The following EFCAB6 variants were observed in gnomAD, a reference collection of about 807,000 sequenced individuals.
EFCAB6 encodes the protein EF-hand calcium binding domain 6, also known as EF-hand calcium-binding domain-containing protein 6.
A neutral mutation model predicts 169.8 loss-of-function variants in EFCAB6; 156 were observed. The ratio of observed to expected loss-of-function variants is 0.92; its 90% CI spans 0.81 to 1.05. The LOEUF is 1.05. Among genes scored for constraint, EFCAB6 ranks in the 50% least tolerant of loss-of-function variants. The pLI is 0.00. For missense variants in EFCAB6, 1,800 were observed against 1,829.1 expected (o/e 0.98, Z 0.29); for synonymous variants, 698 against 676.4 (o/e 1.03, Z -0.50).
chr22:43,676,320 G>A (rs1191659438), intron 13 of EFCAB6, among the ~76,000 whole-genome samples: 1 of 151,522 alleles, frequency 6.6e-6, no homozygotes, highest in African/African-American at 2.4e-5. Flanking sequence ...GGGAGGCTGA[G>A]GCAGGAGAAT....
intron 10 of EFCAB6, among the ~76,000 whole-genome samples, chr22:43,709,510 AT>A (rs920816082): frequency 1.3e-5 from 2 of 152,198 alleles, no homozygotes; most frequent in African/African-American, 4.8e-5. Flanking sequence ...AACATGAAAA[AT>A]GTCTATAATA....
At chr22:43,575,257 C>A (rs1011326807) in intron 26 of EFCAB6, among the ~76,000 whole-genome samples, 2 of 151,952 alleles carry the variant, frequency 1.3e-5, no homozygotes, top group African/African-American at 4.8e-5. Flanking sequence ...GTGGTGCAAT[C>A]TCGGCTCACT....
Position 43,772,896 on chromosome 22 carries a change from G to T in EFCAB6, c.347C>A (p.Ala116Asp). Residue 116 changes from alanine (A) to aspartate (D), a missense_variant, in exon 4 of 32, where the codon GCT (alanine) becomes GAT (aspartate). Transcript: ENST00000262726. Reference protein sequence around the residue: ...LTREQFQDVLAQIPLSTSGTV... With the variant: ...LTREQFQDVLDQIPLSTSGTV... ...AGTATGTACAACATACAGCACCTGA[G>T]CCAACACGTCCTGAAACTGTTCTCG... 6.2e-7 allele frequency: 1 copy of T among 1,614,178 alleles called. No individual in the cohort carries two copies. Among genetic ancestry groups the T allele is most frequent in the South Asian group, 1.1e-5 (1 of 91,078 alleles).
At chr22:43,747,483 G>T (rs551396635) in intron 6 of EFCAB6, among the ~76,000 whole-genome samples, 1 of 152,102 alleles carries the variant, frequency 6.6e-6, no homozygotes, top group African/African-American at 2.4e-5. Context: ...TCGAAGTGGC[G>T]CCCAGTTTCT....
chr22:43,575,189 GTTGT>G (rs1555933692), intron 26 of EFCAB6, among the ~76,000 whole-genome samples: 1 of 148,352 alleles, frequency 6.7e-6, no homozygotes, highest in Non-Finnish European at 1.5e-5. Flanking sequence ...TGTTGTTGTT[GTTGT>G]TTGTTTGTTT....
intron 17 of EFCAB6, among the ~76,000 whole-genome samples, chr22:43,657,041 G>A (rs1158033970): frequency 6.6e-6 from 1 of 152,148 alleles, no homozygotes; most frequent in African/African-American, 2.4e-5. Context: ...TATAATCCCA[G>A]TACTTCGGGA....
intron 1 of EFCAB6, among the ~76,000 whole-genome samples, chr22:43,810,128 C>T (rs1473254069): frequency 2.0e-5 from 3 of 152,196 alleles, no homozygotes; most frequent in Non-Finnish European, 4.4e-5. Flanking sequence ...ATCCTCCTGC[C>T]TCAGCCTCCC....
Position 43,716,908 on chromosome 22 carries a change from T to A in EFCAB6, c.822A>T (p.Ser274=). 1 of 1,603,990 alleles carries A rather than the reference T, an allele frequency of 6.2e-7. No homozygotes were observed. Among genetic ancestry groups the A allele is most frequent in the East Asian group, 2.2e-5 (1 of 44,452 alleles). ...AGTAGTTTCTCCAGATATCTTCAGA[T>A]GATGCAGAACCTAGCAAACGTTCCT... ...SKKERLLGSA[S]SEDIWRNYSL... Residue 274 remains serine, a synonymous_variant, in exon 9 of 32, where the codon TCA becomes TCT. Transcript: ENST00000262726.
chr22:43,581,719 T>A (rs2050739543), intron 24 of EFCAB6, among the ~76,000 whole-genome samples: 1 of 152,144 alleles, frequency 6.6e-6, no homozygotes, highest in South Asian at 2.1e-4. Flanking sequence ...TTCCAGTGAC[T>A]CAGATATCTG....
At chr22:43,799,411 A>G (rs1018056367) in intron 2 of EFCAB6, among the ~76,000 whole-genome samples, 1 of 152,110 alleles carries the variant, frequency 6.6e-6, no homozygotes, top group African/African-American at 2.4e-5. Flanking sequence ...AGGATTATTC[A>G]CCAAGGAAAA....
At chr22:43,725,154 T>C (rs940657851) in intron 8 of EFCAB6, among the ~76,000 whole-genome samples, 5 of 150,390 alleles carry the variant, frequency 3.3e-5, no homozygotes, top group South Asian at 2.1e-4. Flanking sequence ...TTTTTTTTTT[T>C]TTTTAGACGG....
chr22:43,540,610 C>G (rs1316327619), intron 27 of EFCAB6: 1 of 1,387,856 alleles, frequency 7.2e-7, no homozygotes, highest in Non-Finnish European at 9.5e-7. Flanking sequence ...GAATTGGGCC[C>G]TCAGTGAGCA....
At chr22:43,530,443 A>G (rs993655326) in intron 31 of EFCAB6, 4 of 901,876 alleles carry the variant, frequency 4.4e-6, no homozygotes, top group Non-Finnish European at 5.3e-6. Flanking sequence ...AAGGTCCAAC[A>G]TAGGTCAGAG....
At chr22:43,623,648 CA>C (rs1282957945) in intron 20 of EFCAB6, among the ~76,000 whole-genome samples, 1 of 150,282 alleles carries the variant, frequency 6.7e-6, no homozygotes, top group Non-Finnish European at 1.5e-5. Context: ...GTAATCCCAG[CA>C]CTTTGGGAGG....
intron 30 of EFCAB6, 76 bp from the exon 31 acceptor site, chr22:43,531,040 C>T: frequency 6.3e-7 from 1 of 1,583,170 alleles, no homozygotes; most frequent in Non-Finnish European, 8.6e-7. Context: ...CTCGCCTCGC[C>T]CCCGCCTCGC....
chr22:43,780,986 C>T (rs913363253), intron 3 of EFCAB6, among the ~76,000 whole-genome samples: 12 of 152,198 alleles, frequency 7.9e-5, no homozygotes, highest in African/African-American at 2.7e-4. Context: ...ATTTGGCTCA[C>T]GCTACTTGAA....
At chr22:43,554,732 A>G (rs1333494157) in intron 27 of EFCAB6, 137 bp downstream of exon 27, 2 of 722,478 alleles carry the variant, frequency 2.8e-6, no homozygotes, top group African/African-American at 3.6e-5. Flanking sequence ...ATCTTCAGGA[A>G]GATTGAAAAA....
chr22:43,760,106 A>G (rs2147892572), intron 5 of EFCAB6, among the ~76,000 whole-genome samples: 1 of 151,490 alleles, frequency 6.6e-6, no homozygotes, highest in South Asian at 2.1e-4. Flanking sequence ...TGGGAGGTTG[A>G]GACAGAAGAA....
intron 6 of EFCAB6, among the ~76,000 whole-genome samples, chr22:43,737,608 T>A (rs2060194947): frequency 6.8e-6 from 1 of 146,396 alleles, no homozygotes; most frequent in Non-Finnish European, 1.5e-5. Flanking sequence ...CTCACACACA[T>A]ATATTCACAC....
Sources: allele counts gnomAD v4.1 joint callset (sites outside exome capture counted in the v4.1 genomes callset), GRCh38; gene constraint gnomAD v4.1.1; transcripts MANE v1.5; gene names NCBI Gene and HGNC (gene_info 2026-07-23, HGNC 2026-07-21).